Variants in ARHGAP24 observed in about 807,000 individuals in gnomAD.
ARHGAP24 encodes the protein Rho GTPase activating protein 24, also known as rho GTPase-activating protein 24.
A neutral mutation model predicts 76.4 loss-of-function variants in ARHGAP24; 50 were observed. The observed-to-expected ratio is 0.65, with a 90% confidence interval of 0.52 to 0.83. The LOEUF (loss-of-function observed/expected upper bound fraction) is 0.83. ARHGAP24 is among the 40% of genes least tolerant of loss of function. The pLI, the probability that ARHGAP24 is intolerant of heterozygous loss-of-function variation, is 0.00. For synonymous variants in ARHGAP24, 345 were observed against 323.3 expected (o/e 1.07, Z -0.72); for missense variants, 930 against 914.2 (o/e 1.02, Z -0.22).
rs553210099 is a variant in ARHGAP24, at chr4:85,617,929, A to T, written c.180+47208A>T. The stretch of plus-strand genomic sequence containing the variant: ...TCTTTTGATATTTGTATACACTGTG[A>T]AGTGATTACCACTATCAAGCTAATT... On this transcript the variant is annotated intron_variant, in intron 2 of 9. Transcript: ENST00000395184. Among the ~76,000 whole-genome samples, 43 of 152,316 alleles carry T rather than the reference A, an allele frequency of 2.8e-4. No homozygotes were observed. The South Asian group carries it at 8.5e-3, about 30-fold the overall frequency.
intron 3 of ARHGAP24, among the ~76,000 whole-genome samples, chr4:85,856,244 G>A (rs772949421): frequency 1.3e-5 from 2 of 151,724 alleles, no homozygotes; most frequent in Non-Finnish European, 2.9e-5. Flanking sequence ...GTACTTTCGG[G>A]CCATTCACTA....
intron 2 of ARHGAP24, among the ~76,000 whole-genome samples, chr4:85,594,980 T>C (rs1443142688): frequency 3.6e-5 from 1 of 27,696 alleles, no homozygotes; most frequent in Non-Finnish European, 8.1e-5. Flanking sequence ...ATTCACTTTC[T>C]CCTCTTTTTT....
At chr4:85,901,674 T>C (rs1261283749) in intron 3 of ARHGAP24, among the ~76,000 whole-genome samples, 1 of 152,212 alleles carries the variant, frequency 6.6e-6, no homozygotes. Flanking sequence ...CCCTCTTTAT[T>C]GTAATACTTA....
chr4:85,664,878 C>G (rs1441430190), intron 2 of ARHGAP24, among the ~76,000 whole-genome samples: 1 of 152,050 alleles, frequency 6.6e-6, no homozygotes, highest in Admixed American at 6.6e-5. Context: ...GTCTGAGAGA[C>G]AGTTTGTTAT....
At chr4:85,719,035 A>C (rs1217365014) in intron 2 of ARHGAP24, among the ~76,000 whole-genome samples, 1 of 152,206 alleles carries the variant, frequency 6.6e-6, no homozygotes, top group Non-Finnish European at 1.5e-5. Flanking sequence ...TGTGGATAAA[A>C]TGAATATTAG....
chr4:85,813,818 T>TTTTATATATATATATATATATATATA (rs1553932187), intron 3 of ARHGAP24, among the ~76,000 whole-genome samples: 1 of 137,160 alleles, frequency 7.3e-6, no homozygotes, highest in African/African-American at 2.8e-5. Flanking sequence ...TATATTTATT[T>TTTTATATATATATATATATATATATA]TATATATATA....
At chr4:85,658,824 G>A (rs7672782) in intron 2 of ARHGAP24, among the ~76,000 whole-genome samples, 3,658 of 152,280 alleles carry the variant, frequency 0.024, 142 homozygotes, top group African/African-American at 0.083. Context: ...TGGAAGCAAG[G>A]AGACAGGATA....
At chr4:85,966,303 G>A (rs1738598550) in intron 5 of ARHGAP24, among the ~76,000 whole-genome samples, 1 of 152,136 alleles carries the variant, frequency 6.6e-6, no homozygotes, top group Admixed American at 6.6e-5. Context: ...GGATAGGAGG[G>A]ATATTCAGAC....
chr4:85,956,963 C>A (rs1275086993), intron 5 of ARHGAP24, among the ~76,000 whole-genome samples: 2 of 152,198 alleles, frequency 1.3e-5, no homozygotes, highest in East Asian at 3.8e-4. Context: ...GGGTTTATAT[C>A]CCGATCATAG....
At chr4:85,930,178 G>T (rs942724554) in intron 4 of ARHGAP24, 41 of 887,712 alleles carry the variant, frequency 4.6e-5, no homozygotes, top group African/African-American at 9.1e-5. Flanking sequence ...GCAGGAGGAG[G>T]GGGAGGAGAT....
rs1739237070 is a variant in ARHGAP24 at position 85,974,948 on chromosome 4, A to C, written c.793A>C (p.Lys265Gln). ...GCCAGTGGTAAATTACAACCTCCTC[A>C]AGTATATTTGCAGGTAAGAACTGTC... ...SLPVVNYNLL[K>Q]YICRFLDEVQ... Residue 265 changes from lysine (K) to glutamine (Q), a missense_variant, in exon 7 of 10, where the codon AAG becomes CAG. Physicochemically the swap from Lys to Gln is moderately conservative, Grantham distance 53. Coordinates refer to ENST00000395184, the MANE Select transcript of ARHGAP24 (RefSeq NM_001025616.3). 1 of 1,613,772 alleles carries C rather than the reference A, an allele frequency of 6.2e-7. No individual in the cohort carries two copies. The highest frequency in any genetic ancestry group is 1.3e-5 in the African/African-American group (1 of 75,046).
chr4:85,973,512 C>T (rs1739113375), intron 6 of ARHGAP24, among the ~76,000 whole-genome samples: 1 of 152,120 alleles, frequency 6.6e-6, no homozygotes, highest in Non-Finnish European at 1.5e-5. Context: ...TCCTTTGAAA[C>T]ACAAAAGTTG....
intron 2 of ARHGAP24, among the ~76,000 whole-genome samples, chr4:85,605,248 G>T (rs1316603845): frequency 6.6e-6 from 1 of 152,072 alleles, no homozygotes; most frequent in Non-Finnish European, 1.5e-5. Flanking sequence ...TCTCAAATTG[G>T]AAAATGTATT....
intron 1 of ARHGAP24, among the ~76,000 whole-genome samples, chr4:85,479,661 T>G (rs570846036): frequency 6.6e-6 from 1 of 152,200 alleles, no homozygotes; most frequent in Non-Finnish European, 1.5e-5. Flanking sequence ...TATAGTTTCT[T>G]TATTGTATTG....
intron 3 of ARHGAP24, among the ~76,000 whole-genome samples, chr4:85,902,426 C>A (rs545071194): frequency 6.6e-6 from 1 of 152,084 alleles, no homozygotes; most frequent in Non-Finnish European, 1.5e-5. Flanking sequence ...TTACACTTCC[C>A]CATTCCATTG....
chr4:85,594,647 T>C (rs1385405218), intron 2 of ARHGAP24, among the ~76,000 whole-genome samples: 1 of 152,050 alleles, frequency 6.6e-6, no homozygotes, highest in Non-Finnish European at 1.5e-5. Context: ...CCATCTCTTT[T>C]GAATCAAGGA....
chr4:85,711,778 G>T (rs1724535935), intron 2 of ARHGAP24, among the ~76,000 whole-genome samples: 1 of 152,154 alleles, frequency 6.6e-6, no homozygotes, highest in Admixed American at 6.6e-5. Context: ...TTCTTCCAAG[G>T]TTAATTCTAG....
rs374671886 is a variant in ARHGAP24, at chr4:85,838,500, G to A, written c.269-85148G>A. ...TGTAGTCCCAGCTACTTGGGAGGCT[G>A]AGGCAGGAGAATGGTGTGAACCCAG... On this transcript the variant is annotated intron_variant, in intron 3 of 9. Transcript: ENST00000395184. 6.6e-5 allele frequency among the ~76,000 whole-genome samples: 10 copies of A among 152,312 alleles called. 1 individual carries two copies. Among genetic ancestry groups the A allele is most frequent in the African/African-American group, 2.4e-4 (10 of 41,576 alleles).
intron 2 of ARHGAP24, among the ~76,000 whole-genome samples, chr4:85,639,699 T>C (rs1300123273): frequency 2.8e-5 from 1 of 36,182 alleles, no homozygotes; most frequent in Non-Finnish European, 5.7e-5. Context: ...GAGGGAATAA[T>C]TGGTAAAAAA....
Sources: gnomAD v4.1 joint callset for allele counts (sites outside exome capture counted in the v4.1 genomes callset) on GRCh38, gnomAD v4.1.1 for gene constraint, MANE v1.5 for transcripts, NCBI Gene and HGNC (gene_info 2026-07-23, HGNC 2026-07-21) for gene names.